Variants in SRSF12 observed in about 807,000 individuals in gnomAD.
SRSF12 encodes serine/arginine-rich splicing factor 12.
Under a neutral mutation model 34.1 loss-of-function variants are expected in SRSF12, and 21 were observed. The observed-to-expected ratio is 0.62, with a 90% CI of 0.44 to 0.89. The LOEUF (loss-of-function observed/expected upper bound fraction) is 0.89. Ranked by LOEUF, SRSF12 falls within the 40% of genes least tolerant of loss-of-function variation. The probability of loss-of-function intolerance (pLI) is 0.00; values close to 1 mark genes in which losing one functional copy is unlikely to be tolerated. For synonymous variants in SRSF12, 111 were observed against 110.8 expected (o/e 1.00, Z -0.01); for missense variants, 278 against 327.8 (o/e 0.85, Z 1.17).
intron 2 of SRSF12, 199 bp downstream of exon 2, chr6:89,106,955 G>A (rs1768817305): frequency 1.6e-6 from 1 of 623,418 alleles, no homozygotes; most frequent in Non-Finnish European, 3.0e-6. Context: ...CTGGGTTTAT[G>A]CTTGGATTCT....
chr6:89,107,149 GATATTGAAC>G lies in SRSF12; in HGVS notation c.166_170+4del, dbSNP rs1768829192. On this transcript the variant is annotated splice_donor_variant and splice_donor_region_variant and coding_sequence_variant and intron_variant, in exon 2 of 5. Transcript: ENST00000452027. LOFTEE classifies it high-confidence loss of function. ...TTCACATGCACACAATAAAATAAAG[GATATTGAAC>G]ATAAGCAAATCCTCTTGGGCGGCGA... The G allele has an allele frequency of 6.2e-7, 1 of 1,612,244 alleles. No individual in the cohort carries two copies. Among genetic ancestry groups the G allele is most frequent in the Non-Finnish European group, 8.5e-7 (1 of 1,178,492 alleles).
intron 1 of SRSF12, among the ~76,000 whole-genome samples, chr6:89,116,629 G>T (rs1051704385): frequency 6.6e-6 from 1 of 152,002 alleles, no homozygotes; most frequent in African/African-American, 2.4e-5. Flanking sequence ...ATAAAAATTA[G>T]CCGGGTGTGG....
In SRSF12 at chr6:89,103,991, C is replaced by CTTTT. The variant is rs55760020; in HGVS notation, c.416+1124_416+1127dup. 2.4e-3 allele frequency among the ~76,000 whole-genome samples: 195 copies of CTTTT among 81,962 alleles called. 23 individuals carry two copies. Among genetic ancestry groups the CTTTT allele is most frequent in the African/African-American group, 8.6e-3 (184 of 21,400 alleles). 53.8% of individuals were successfully genotyped at this position (81,962 alleles called of 152,430 possible). ...TTTCACAAGGGATTTTATTATATTT[C>CTTTT]TTTTTTTTTTTTTTTTTTTTTTTTT... On this transcript the variant is annotated intron_variant, in intron 4 of 4. Coordinates refer to ENST00000452027, the MANE Select transcript of SRSF12 (RefSeq NM_080743.5).
chr6:89,117,773 G>T, intron 1 of SRSF12, 50 bp downstream of exon 1: 2 of 1,507,708 alleles, frequency 1.3e-6, no homozygotes, highest in Admixed American at 2.2e-5. Flanking sequence ...CGGCGCGGCT[G>T]TTACCCCGCC....
At chr6:89,103,987 A>ATT (rs1768659203) in intron 4 of SRSF12, among the ~76,000 whole-genome samples, 2 of 92,942 alleles carry the variant, frequency 2.2e-5, no homozygotes, top group African/African-American at 4.4e-5. Context: ...ATTTTATTAT[A>ATT]TTTCTTTTTT....
intron 4 of SRSF12, among the ~76,000 whole-genome samples, chr6:89,100,083 G>A (rs1582251650): frequency 6.6e-6 from 1 of 152,152 alleles, no homozygotes; most frequent in African/African-American, 2.4e-5. Context: ...AAAAACTCTA[G>A]AGAAGAGTGA....
In SRSF12 at chr6:89,115,728, C is replaced by T. The variant is rs1218278464; in HGVS notation, c.65+2095G>A. On this transcript the variant is annotated intron_variant, in intron 1 of 4. Transcript: ENST00000452027. ...GTTGGCTCACTGCAAGCTCCGCCTC[C>T]CGGGTTCACACCATTATCCTGCCTC... Among the ~76,000 whole-genome samples the T allele has an allele frequency of 2.6e-5, 4 of 151,358 alleles. No homozygotes were observed. The East Asian group carries it at 7.8e-4, about 29-fold the overall frequency.
intron 3 of SRSF12, 43 bp from the exon 4 acceptor site, chr6:89,105,303 G>C: frequency 3.2e-6 from 5 of 1,581,216 alleles, no homozygotes; most frequent in Non-Finnish European, 4.3e-6. Context: ...TTCGTTACCT[G>C]AACACCACAG....
chr6:89,116,788 A>T (rs202092591), intron 1 of SRSF12, among the ~76,000 whole-genome samples: 9,492 of 151,882 alleles, frequency 0.062, 864 homozygotes, highest in African/African-American at 0.2. Context: ...AAAAAAAAAA[A>T]AACTAAAAAA....
chr6:89,118,041 G>C lies in SRSF12; in HGVS notation c.-154C>G, dbSNP rs1219251516. ...CGCCAGCGCGCAGCCGCAGAGGCCG[G>C]CGCAGAGGGGGCGCAGCGCGGCGCC... On this transcript the variant is annotated 5_prime_UTR_variant, in exon 1 of 5. Transcript: ENST00000452027. The C allele has an allele frequency of 5.3e-6, 3 of 563,116 alleles. No individual in the cohort carries two copies. The highest frequency in any genetic ancestry group is 4.1e-5 in the African/African-American group (2 of 48,424). 34.9% of individuals were successfully genotyped at this position (563,116 alleles called of 1,614,324 possible). A position where few individuals can be genotyped will look rare whatever the true frequency, so the allele number is the denominator to read the frequency against.
chr6:89,114,360 G>A (rs531125776), intron 1 of SRSF12, among the ~76,000 whole-genome samples: 7 of 152,260 alleles, frequency 4.6e-5, no homozygotes, highest in South Asian at 4.1e-4. Flanking sequence ...CCCAGGAGGC[G>A]GAGGTTGCAG....
chr6:89,101,601 G>A (rs955616893), intron 4 of SRSF12, among the ~76,000 whole-genome samples: 28 of 152,008 alleles, frequency 1.8e-4, no homozygotes, highest in Admixed American at 5.9e-4. Flanking sequence ...GGGAGGCTGA[G>A]GCAGGAGAAT....
intron 1 of SRSF12, 66 bp downstream of exon 1, chr6:89,117,757 G>A: frequency 6.8e-7 from 1 of 1,469,046 alleles, no homozygotes; most frequent in Admixed American, 2.4e-5. Context: ...CCTCGGCCGT[G>A]CTCCGCGGCG....
intron 4 of SRSF12, among the ~76,000 whole-genome samples, chr6:89,099,787 G>T (rs752946975): frequency 6.6e-6 from 1 of 151,846 alleles, no homozygotes. Flanking sequence ...CCCCTGCCTC[G>T]GCCTCCTAAA....
chr6:89,110,875 G>A (rs1176027154), intron 1 of SRSF12, among the ~76,000 whole-genome samples: 2 of 152,060 alleles, frequency 1.3e-5, no homozygotes, highest in Non-Finnish European at 2.9e-5. Flanking sequence ...CAGCAGTTTG[G>A]GAGGCCAAGG....
chr6:89,099,601 T>C (rs1768444804), intron 4 of SRSF12, among the ~76,000 whole-genome samples: 1 of 149,284 alleles, frequency 6.7e-6, no homozygotes, highest in Admixed American at 6.8e-5. Context: ...AATGGCACGA[T>C]CTCAGCTCAC....
At chr6:89,113,077 T>G (rs753847591) in intron 1 of SRSF12, among the ~76,000 whole-genome samples, 1 of 152,240 alleles carries the variant, frequency 6.6e-6, no homozygotes, top group Non-Finnish European at 1.5e-5. Context: ...CCAAATGGAT[T>G]TGTCAGAACC....
At chr6:89,106,360 G>A (rs56001084) in intron 2 of SRSF12, among the ~76,000 whole-genome samples, 2,325 of 152,154 alleles carry the variant, frequency 0.015, 59 homozygotes, top group African/African-American at 0.051. Flanking sequence ...TGATCCACCC[G>A]CCTCAGCCTC....
intron 1 of SRSF12, among the ~76,000 whole-genome samples, chr6:89,111,526 A>G (rs1461418302): frequency 6.6e-6 from 1 of 152,174 alleles, no homozygotes; most frequent in African/African-American, 2.4e-5. Context: ...TACTAAACTT[A>G]TTAGTTCTAG....
Sources: allele counts gnomAD v4.1 joint callset (sites outside exome capture counted in the v4.1 genomes callset), GRCh38; gene constraint gnomAD v4.1.1; transcripts MANE v1.5; gene names NCBI Gene and HGNC (gene_info 2026-07-23, HGNC 2026-07-21).